The following CHST8 variants were observed in gnomAD, a reference collection of about 807,000 sequenced individuals.
CHST8 encodes GALNAC-4-ST1.
In CHST8, 10 loss-of-function variants were observed where a neutral mutation model predicts 15.0. That is an observed-to-expected ratio of 0.67 (90% CI 0.41 to 1.13). The LOEUF (loss-of-function observed/expected upper bound fraction) is 1.13. CHST8 is among the 50% of genes most tolerant of loss of function. The probability of loss-of-function intolerance (pLI) is 0.00; values close to 1 mark genes in which losing one functional copy is unlikely to be tolerated. For synonymous variants in CHST8, 259 were observed against 256.6 expected, an observed-to-expected ratio of 1.01 and a Z score of -0.09; for missense variants, 634 against 608.2, an observed-to-expected ratio of 1.04 and a Z score of -0.45.
rs1348884149 is a variant in CHST8, at chr19:33,765,346, C to A, written c.131-6067C>A. 2.0e-5 allele frequency among the ~76,000 whole-genome samples: 3 copies of A among 151,956 alleles called. No individual in the cohort carries two copies. In the East Asian group the frequency reaches 5.8e-4, roughly 29 times the overall value. Reference sequence around the variant, plus strand: ...TGGCACCTTCATTTCAGACATCTAGCCTTCGGAACTGTGAGAGAACACATT... The same window carrying A: ...TGGCACCTTCATTTCAGACATCTAGACTTCGGAACTGTGAGAGAACACATT... On this transcript the variant is annotated intron_variant, in intron 3 of 4. Coordinates refer to ENST00000650847, the MANE Select transcript of CHST8 (RefSeq NM_001127895.2).
intron 1 of CHST8, among the ~76,000 whole-genome samples, chr19:33,642,131 C>T (rs563720687): frequency 3.9e-5 from 6 of 152,216 alleles, no homozygotes; most frequent in African/African-American, 1.4e-4. Context: ...GGGCTCAGCA[C>T]CCACTGACTG....
At chr19:33,765,622 C>T (rs1029163273) in intron 3 of CHST8, among the ~76,000 whole-genome samples, 2 of 151,586 alleles carry the variant, frequency 1.3e-5, no homozygotes, top group South Asian at 2.1e-4. Flanking sequence ...AGTGTAGTGG[C>T]GCGATCTCCG....
chr19:33,714,292 C>A (rs967104808), intron 3 of CHST8, among the ~76,000 whole-genome samples: 1 of 151,868 alleles, frequency 6.6e-6, no homozygotes, highest in Non-Finnish European at 1.5e-5. Context: ...AAATCTGGTA[C>A]ATATATACCA....
chr19:33,661,012 G>A (rs1972578565), intron 1 of CHST8, among the ~76,000 whole-genome samples: 1 of 152,180 alleles, frequency 6.6e-6, no homozygotes, highest in Non-Finnish European at 1.5e-5. Context: ...GTTGGAGATT[G>A]GGTTCTGGAG....
rs74588143 is a variant in CHST8, at chr19:33,660,617, G to A, written c.-163-7150G>A. ...CGCCATGACAGTTTACAAATGCCACGGCAATGACCCGGAAGTTGCCGCCCC... is the reference window on the plus strand; with the variant it reads ...CGCCATGACAGTTTACAAATGCCACAGCAATGACCCGGAAGTTGCCGCCCC... On this transcript the variant is annotated intron_variant, in intron 1 of 4. Coordinates refer to ENST00000650847, the MANE Select transcript of CHST8 (RefSeq NM_001127895.2). Among the ~76,000 whole-genome samples, 662 of 152,272 alleles carry A rather than the reference G, an allele frequency of 4.3e-3. 17 individuals are homozygous for A. Among genetic ancestry groups the A allele is most frequent in the East Asian group, 0.037 (194 of 5,184 alleles).
chr19:33,648,902 C>CTTTTTTT lies in CHST8; in HGVS notation c.-163-18852_-163-18846dup, dbSNP rs376386370. ...TTCAGGCGTAAAAAGGAATGAAGCACTTTTTTTTTTTTTTTTTTTGAGTTG... is the reference window on the plus strand; with the variant it reads ...TTCAGGCGTAAAAAGGAATGAAGCACTTTTTTTTTTTTTTTTTTTTTTTTTTGAGTTG... On this transcript the variant is annotated intron_variant, in intron 1 of 4. Transcript: ENST00000650847. Among the ~76,000 whole-genome samples, 92 of 99,966 alleles carry CTTTTTTT rather than the reference C, an allele frequency of 9.2e-4. 3 individuals are homozygous for CTTTTTTT. The highest frequency in any genetic ancestry group is 2.9e-3 in the African/African-American group (71 of 24,842). 65.6% of individuals were successfully genotyped at this position (99,966 alleles called of 152,430 possible).
At chr19:33,659,250 A>C (rs868618980) in intron 1 of CHST8, among the ~76,000 whole-genome samples, 9 of 151,964 alleles carry the variant, frequency 5.9e-5, no homozygotes, top group Middle Eastern at 3.4e-3. Context: ...TTTTTGGTAG[A>C]GATGGGGTTT....
intron 2 of CHST8, among the ~76,000 whole-genome samples, chr19:33,677,591 G>A (rs1972826589): frequency 6.6e-6 from 1 of 152,320 alleles, no homozygotes; most frequent in South Asian, 2.1e-4. Flanking sequence ...TCCCACCACT[G>A]CAGGAATCTT....
chr19:33,756,395 G>A (rs528653065), intron 3 of CHST8, among the ~76,000 whole-genome samples: 1 of 152,256 alleles, frequency 6.6e-6, no homozygotes, highest in East Asian at 1.9e-4. Flanking sequence ...CTGGCTAATG[G>A]ACAGTTTCAC....
At position 33,743,950 on chromosome 19, in the gene CHST8, C is replaced by T. The variant is rs190517501; in HGVS notation, c.131-27463C>T. On this transcript the variant is annotated intron_variant, in intron 3 of 4. Coordinates refer to ENST00000650847, the MANE Select transcript of CHST8 (RefSeq NM_001127895.2). ...GGGATTACAGGCACCTGCCACCACG[C>T]CTGGCTGATTTTTGTATTTTAGTAG... 6.6e-5 allele frequency among the ~76,000 whole-genome samples: 10 copies of T among 152,200 alleles called. No individual in the cohort carries two copies. In the East Asian group the frequency reaches 1.9e-3, roughly 29 times the overall value.
At chr19:33,769,350 C>T (rs769467327) in intron 3 of CHST8, among the ~76,000 whole-genome samples, 4 of 152,186 alleles carry the variant, frequency 2.6e-5, no homozygotes, top group Admixed American at 6.5e-5. Flanking sequence ...CACCGTCACA[C>T]CTTGATGAGA....
chr19:33,706,430 C>A (rs1314609251), intron 3 of CHST8, among the ~76,000 whole-genome samples: 1 of 152,166 alleles, frequency 6.6e-6, no homozygotes, highest in Admixed American at 6.5e-5. Context: ...ACTATACACC[C>A]ATGGGTGGAC....
rs1218360558 is a variant in CHST8 at position 33,757,522 on chromosome 19, GAGAA to G, written c.131-13811_131-13808del. ...AGAAAGAAAGAAAGAAAGAAAGAAA[GAGAA>G]AGAAAGAAAGAAAGAAAGAAAGAAA... On this transcript the variant is annotated intron_variant, in intron 3 of 4. Coordinates refer to ENST00000650847, the MANE Select transcript of CHST8 (RefSeq NM_001127895.2). Among the ~76,000 whole-genome samples the G allele has an allele frequency of 9.6e-3, 202 of 21,098 alleles. 21 individuals are homozygous for G. The highest frequency in any genetic ancestry group is 0.02 in the South Asian group (11 of 550). 13.8% of individuals were successfully genotyped at this position (21,098 alleles called of 152,430 possible).
At chr19:33,685,339 T>C (rs1417226319) in intron 2 of CHST8, 2 of 151,734 alleles carry the variant, frequency 1.3e-5, no homozygotes, top group African/African-American at 4.8e-5. Context: ...GAGGGGTTTA[T>C]AAGATTAATT....
At chr19:33,690,368 G>A (rs1246699810) in intron 3 of CHST8, among the ~76,000 whole-genome samples, 5 of 152,062 alleles carry the variant, frequency 3.3e-5, no homozygotes, top group Admixed American at 3.3e-4. Flanking sequence ...GTAAATCCCT[G>A]CCGGAAGCCC....
chr19:33,768,266 T>C (rs981087072), intron 3 of CHST8, among the ~76,000 whole-genome samples: 2 of 152,068 alleles, frequency 1.3e-5, no homozygotes, highest in African/African-American at 2.4e-5. Flanking sequence ...TTCATTACGT[T>C]TCTTCTTTAT....
In CHST8 at chr19:33,681,236, G is replaced by A. The variant is rs538040595; in HGVS notation, c.-86-7940G>A. On this transcript the variant is annotated intron_variant, in intron 2 of 4. Coordinates refer to ENST00000650847, the MANE Select transcript of CHST8 (RefSeq NM_001127895.2). The stretch of plus-strand genomic sequence containing the variant: ...ACAGAGGAATGGTCCCCTAGGTCAG[G>A]AGTAGCCCAGGTGGAACTCACCTCA... Among the ~76,000 whole-genome samples the A allele has an allele frequency of 3.3e-5, 5 of 152,352 alleles. No individual in the cohort carries two copies. In the East Asian group the frequency reaches 9.6e-4, roughly 29 times the overall value.
chr19:33,695,801 TTTTC>T (rs748705602), intron 3 of CHST8, among the ~76,000 whole-genome samples: 40 of 130,304 alleles, frequency 3.1e-4, no homozygotes, highest in African/African-American at 5.3e-4. Flanking sequence ...CACATTTTCT[TTTTC>T]TTTCTTTCTT....
At chr19:33,676,773 A>G (rs1360554704) in intron 2 of CHST8, among the ~76,000 whole-genome samples, 1 of 151,872 alleles carries the variant, frequency 6.6e-6, no homozygotes, top group African/African-American at 2.4e-5. Context: ...GCTACTCAGG[A>G]GGCTGAGGCA....
Sources: allele counts gnomAD v4.1 joint callset (sites outside exome capture counted in the v4.1 genomes callset), GRCh38; gene constraint gnomAD v4.1.1; transcripts MANE v1.5; gene names NCBI Gene and HGNC (gene_info 2026-07-23, HGNC 2026-07-21).